The following LIN28A variants were observed in gnomAD, a reference collection of about 807,000 sequenced individuals.
LIN28A encodes the protein lin-28 RNA binding posttranscriptional regulator A.
LIN28A carries 11 observed loss-of-function variants against 21.1 expected under a neutral mutation model. The observed-to-expected ratio is 0.52, with a 90% CI of 0.33 to 0.86. The LOEUF (loss-of-function observed/expected upper bound fraction) is 0.86. Ranked by LOEUF, LIN28A falls within the 40% of genes least tolerant of loss-of-function variation. LIN28A has a pLI of 0.03. For synonymous variants in LIN28A, 111 were observed against 108.7 expected (o/e 1.02, Z -0.13); for missense variants, 219 against 279.8 (o/e 0.78, Z 1.55).
chr1:26,415,937 A>C (rs760134547), intron 2 of LIN28A, among the ~76,000 whole-genome samples: 8 of 152,160 alleles, frequency 5.3e-5, no homozygotes, highest in Admixed American at 2.0e-4. Flanking sequence ...ACATTGTGGA[A>C]TCTTCTGGGG....
chr1:26,425,191 A>ACTCCT, intron 2 of LIN28A, 112 bp from the exon 3 acceptor site: 1 of 1,039,234 alleles, frequency 9.6e-7, no homozygotes, highest in Non-Finnish European at 1.4e-6. Flanking sequence ...CCTTACCAGT[A>ACTCCT]AAATAGGAGT....
At chr1:26,420,724 T>C (rs2075024232) in intron 2 of LIN28A, among the ~76,000 whole-genome samples, 1 of 152,106 alleles carries the variant, frequency 6.6e-6, no homozygotes, top group Non-Finnish European at 1.5e-5. Flanking sequence ...AAAATACGAA[T>C]GCTACTTACT....
chr1:26,421,712 T>G (rs1360060282), intron 2 of LIN28A, among the ~76,000 whole-genome samples: 1 of 152,210 alleles, frequency 6.6e-6, no homozygotes, highest in Non-Finnish European at 1.5e-5. Flanking sequence ...CTCCATATAT[T>G]CTCAGATCTC....
At chr1:26,425,194 A>T in intron 2 of LIN28A, 109 bp from the exon 3 acceptor site, 1 of 1,062,700 alleles carries the variant, frequency 9.4e-7, no homozygotes, top group Non-Finnish European at 1.4e-6. Context: ...TACCAGTAAA[A>T]TAGGAGTACC....
rs900049196 is a variant in LIN28A, at chr1:26,429,299, A to C, written c.*2841A>C. ...TGTAGAAAGTGGGGTCAGGAGGCCA[A>C]GAAAGGGAATATGAATGTATATCCA... On this transcript the variant is annotated 3_prime_UTR_variant, in exon 4 of 4. Transcript: ENST00000326279. The C allele has an allele frequency of 3.9e-5, 6 of 152,754 alleles. No homozygotes were observed. Among genetic ancestry groups the C allele is most frequent in the Non-Finnish European group, 8.8e-5 (6 of 68,108 alleles). 9.5% of individuals were successfully genotyped at this position (152,754 alleles called of 1,614,324 possible).
intron 2 of LIN28A, among the ~76,000 whole-genome samples, chr1:26,415,917 G>T (rs926360086): frequency 3.3e-5 from 5 of 152,174 alleles, no homozygotes; most frequent in Non-Finnish European, 7.4e-5. Flanking sequence ...AGGTAGGAAG[G>T]TTCATGAAGA....
At chr1:26,413,378 G>A (rs2074972843) in intron 2 of LIN28A, among the ~76,000 whole-genome samples, 1 of 152,032 alleles carries the variant, frequency 6.6e-6, no homozygotes, top group Non-Finnish European at 1.5e-5. Flanking sequence ...GTGTTTTCTT[G>A]TTTTGTTTGT....
chr1:26,426,057 A>C (rs2075057352), intron 3 of LIN28A, among the ~76,000 whole-genome samples, 185 bp from the exon 4 acceptor site: 1 of 152,188 alleles, frequency 6.6e-6, no homozygotes, highest in South Asian at 2.1e-4. Flanking sequence ...CACCTAGACA[A>C]TTAGATGTGG....
intron 2 of LIN28A, among the ~76,000 whole-genome samples, chr1:26,415,782 T>G (rs2074989657): frequency 6.6e-6 from 1 of 152,154 alleles, no homozygotes; most frequent in African/African-American, 2.4e-5. Flanking sequence ...CCAGAGAGGT[T>G]CCTCTCGTTT....
intron 2 of LIN28A, among the ~76,000 whole-genome samples, chr1:26,414,886 C>T (rs1309959009): frequency 6.6e-6 from 1 of 152,110 alleles, no homozygotes; most frequent in Non-Finnish European, 1.5e-5. Context: ...GCTTGAGAAA[C>T]ACAGTTATAT....
chr1:26,413,589 G>A (rs544196620), intron 2 of LIN28A, among the ~76,000 whole-genome samples: 1 of 152,208 alleles, frequency 6.6e-6, no homozygotes, highest in Middle Eastern at 3.4e-3. Flanking sequence ...TCAATAGGGA[G>A]CTGAGCTGGA....
At position 26,411,154 on chromosome 1, in the gene LIN28A, G is replaced by A. The variant is rs113994472; in HGVS notation, c.31+232G>A. ...GGCTTGTCCCGCCGTGAGTCTCTGGGAAACGCGTTGTGGGAAGAGGAGCAA... is the reference window on the plus strand; with the variant it reads ...GGCTTGTCCCGCCGTGAGTCTCTGGAAAACGCGTTGTGGGAAGAGGAGCAA... On this transcript the variant is annotated intron_variant, in intron 1 of 3. Coordinates refer to ENST00000326279, the MANE Select transcript of LIN28A (RefSeq NM_024674.6). The surrounding 1 kb of genome is among the most constrained non-coding windows in gnomAD (Gnocchi z 5.4). Among the ~76,000 whole-genome samples the A allele has an allele frequency of 0.027, 4,155 of 152,340 alleles. 101 individuals are homozygous for A. The highest frequency in any genetic ancestry group is 0.041 in the Non-Finnish European group (2,757 of 68,020).
At position 26,415,983 on chromosome 1, in the gene LIN28A, CTT is replaced by C. The variant is rs61537385; in HGVS notation, c.228+4408_228+4409del. Among the ~76,000 whole-genome samples, 93 of 152,030 alleles carry C rather than the reference CTT, an allele frequency of 6.1e-4. 1 individual carries two copies. In the East Asian group the frequency reaches 6.2e-3, roughly 10 times the overall value. ...TCTGAGACATGCTTCTAGACAATGT[CTT>C]TTTTTTATTTTTATTTTTATTTTTT... On this transcript the variant is annotated intron_variant, in intron 2 of 3. Transcript: ENST00000326279.
At chr1:26,421,776 C>T (rs183911174) in intron 2 of LIN28A, among the ~76,000 whole-genome samples, 4 of 152,114 alleles carry the variant, frequency 2.6e-5, no homozygotes, top group East Asian at 3.9e-4. Flanking sequence ...TACTGTCTTT[C>T]GGTAACATTA....
At chr1:26,420,692 A>C (rs1239293787) in intron 2 of LIN28A, among the ~76,000 whole-genome samples, 2 of 151,954 alleles carry the variant, frequency 1.3e-5, no homozygotes, top group African/African-American at 4.8e-5. Context: ...AGTTTGGAAT[A>C]TTACCCCCCA....
intron 2 of LIN28A, among the ~76,000 whole-genome samples, chr1:26,423,908 A>T (rs1046492609): frequency 6.0e-5 from 9 of 148,840 alleles, no homozygotes; most frequent in African/African-American, 2.2e-4. Context: ...GACTACAGGC[A>T]CCCGCCACCA....
At position 26,426,361 on chromosome 1, in the gene LIN28A, C is replaced by T. The variant is rs2075059460; in HGVS notation, c.533C>T (p.Ala178Val). ...ATGGTAGCCTCATGTCCGCTGAAGG[C>T]CCAGCAGGGCCCTAGTGCACAGGGA... ...SHMVASCPLK[A>V]QQGPSAQGKP... is the part of the protein sequence containing the mutation. The change falls in exon 4 of 4, where the codon GCC (alanine) becomes GTC (valine). Residue 178 changes from alanine (A) to valine (V), a missense_variant. Ala to Val is a moderately conservative substitution (Grantham distance 64). Around this residue, in one of 3 missense-constraint regions of LIN28A, gnomAD observed 45 missense variants for 37.7 expected, o/e 1.19. Coordinates refer to ENST00000326279, the MANE Select transcript of LIN28A (RefSeq NM_024674.6). The T allele has an allele frequency of 1.2e-6, 2 of 1,614,074 alleles. No homozygotes were observed. The highest frequency in any genetic ancestry group is 1.7e-6 in the Non-Finnish European group (2 of 1,180,026).
intron 2 of LIN28A, among the ~76,000 whole-genome samples, chr1:26,419,106 T>C (rs2075014318): frequency 6.6e-6 from 1 of 151,928 alleles, no homozygotes; most frequent in African/African-American, 2.4e-5. Context: ...GGGGCCCTGC[T>C]TTGTGTGTGG....
chr1:26,421,268 C>G (rs1056885848), intron 2 of LIN28A, among the ~76,000 whole-genome samples: 8 of 152,090 alleles, frequency 5.3e-5, no homozygotes, highest in Non-Finnish European at 1.2e-4. Flanking sequence ...TTTCAGGTAC[C>G]AAAATGTGGC....
Sources: allele counts gnomAD v4.1 joint callset (sites outside exome capture counted in the v4.1 genomes callset), GRCh38; gene constraint gnomAD v4.1.1; regional missense constraint gnomAD v4.1.1; non-coding constraint Gnocchi (gnomAD v3.1); transcripts MANE v1.5; gene names NCBI Gene and HGNC (gene_info 2026-07-23, HGNC 2026-07-21).